PCDH9: variants seen among roughly 807,000 people sequenced by gnomAD.
PCDH9 encodes the protein protocadherin-9.
Under a neutral mutation model 70.6 loss-of-function variants are expected in PCDH9, and 24 were observed. That is an observed-to-expected ratio of 0.34 (90% CI 0.25 to 0.48). The LOEUF (loss-of-function observed/expected upper bound fraction) is 0.48, where lower values mean the gene tolerates loss of function less well. PCDH9 is among the 20% of genes least tolerant of loss of function. PCDH9 has a pLI of 0.99. For missense variants in PCDH9, 1,281 were observed against 1,503.6 expected, an observed-to-expected ratio of 0.85 and a Z score of 2.45; for synonymous variants, 562 against 558.5, an observed-to-expected ratio of 1.01 and a Z score of -0.09.
intron 4 of PCDH9, among the ~76,000 whole-genome samples, chr13:66,414,121 C>A (rs1320418101): frequency 1.3e-5 from 2 of 152,052 alleles, no homozygotes; most frequent in Non-Finnish European, 2.9e-5. Flanking sequence ...AAAGACTAGA[C>A]ATGTATTTTA....
chr13:67,054,563 T>C (rs1400340044), intron 2 of PCDH9, among the ~76,000 whole-genome samples: 1 of 152,224 alleles, frequency 6.6e-6, no homozygotes, highest in Non-Finnish European at 1.5e-5. Context: ...TTCTTTCTTT[T>C]TCTAATGCAC....
At chr13:66,793,265 C>T (rs2080190033) in intron 3 of PCDH9, among the ~76,000 whole-genome samples, 1 of 152,088 alleles carries the variant, frequency 6.6e-6, no homozygotes, top group Non-Finnish European at 1.5e-5. Flanking sequence ...TGTTAATTAA[C>T]TTTGATTGTT....
At chr13:66,310,695 A>T (rs1955546097) in intron 4 of PCDH9, among the ~76,000 whole-genome samples, 1 of 151,970 alleles carries the variant, frequency 6.6e-6, no homozygotes, top group Admixed American at 6.6e-5. Context: ...TTTTCTTAGA[A>T]TTTTTACTGT....
At position 66,304,915 on chromosome 13, in the gene PCDH9, G is replaced by A. The variant is rs867111477; in HGVS notation, c.3454C>T (p.Gln1152Ter). 1.9e-6 allele frequency: 3 copies of A among 1,613,518 alleles called. No individual in the cohort carries two copies. Among genetic ancestry groups the A allele is most frequent in the Non-Finnish European group, 2.5e-6 (3 of 1,179,744 alleles). ...CWMPPGLGPY[Q>*]HPKSPLSTFA... The stretch of plus-strand genomic sequence containing the variant: ...GTTGAGAGAGGAGATTTGGGGTGTT[G>A]ATATGGACCCAAGCCAGGAGGCATC... Residue 1152 changes from glutamine to a stop codon, truncating the protein, a stop_gained, in exon 5 of 5, where the codon CAA (glutamine) becomes TAA (stop). Transcript: ENST00000377865. LOFTEE classifies it high-confidence loss of function.
At chr13:66,519,899 A>G (rs1387761502) in intron 4 of PCDH9, among the ~76,000 whole-genome samples, 1 of 152,014 alleles carries the variant, frequency 6.6e-6, no homozygotes, top group Admixed American at 6.6e-5. Flanking sequence ...TTAAAACAGA[A>G]TCTACACTTT....
At chr13:66,561,353 G>C (rs925682337) in intron 4 of PCDH9, among the ~76,000 whole-genome samples, 2 of 152,110 alleles carry the variant, frequency 1.3e-5, no homozygotes, top group Middle Eastern at 3.2e-3. Context: ...GAGGAGTGCC[G>C]CCCCTTGCTC....
chr13:66,771,599 G>A (rs1220608372), intron 3 of PCDH9, among the ~76,000 whole-genome samples: 1 of 152,206 alleles, frequency 6.6e-6, no homozygotes, highest in Non-Finnish European at 1.5e-5. Context: ...GCCTAAAACA[G>A]AAACTGGCAG....
At chr13:66,768,754 C>G (rs1372912764) in intron 3 of PCDH9, among the ~76,000 whole-genome samples, 1 of 152,060 alleles carries the variant, frequency 6.6e-6, no homozygotes, top group East Asian at 1.9e-4. Context: ...GGTATTTTAT[C>G]TATGTCCTAG....
intron 3 of PCDH9, among the ~76,000 whole-genome samples, chr13:66,739,638 T>C (rs2079221897): frequency 6.6e-6 from 1 of 151,474 alleles, no homozygotes; most frequent in African/African-American, 2.4e-5. Context: ...AATAAAAGGA[T>C]GGAGGAAGAT....
intron 2 of PCDH9, among the ~76,000 whole-genome samples, chr13:67,143,202 A>G (rs963845855): frequency 2.0e-5 from 3 of 152,166 alleles, no homozygotes; most frequent in Non-Finnish European, 4.4e-5. Flanking sequence ...TTGGACAACA[A>G]TAGAACCTGG....
intron 3 of PCDH9, among the ~76,000 whole-genome samples, chr13:66,793,126 A>C (rs1566197818): frequency 1.3e-5 from 2 of 150,356 alleles, no homozygotes; most frequent in Admixed American, 1.3e-4. Context: ...TATATATATA[A>C]AGATATGTAT....
At chr13:66,897,337 G>T (rs2082199955) in intron 3 of PCDH9, among the ~76,000 whole-genome samples, 1 of 152,062 alleles carries the variant, frequency 6.6e-6, no homozygotes, top group Non-Finnish European at 1.5e-5. Context: ...TGAAAAAAGA[G>T]AGGTTGGATA....
chr13:67,203,983 G>T (rs1381142108), intron 2 of PCDH9: 1 of 151,914 alleles, frequency 6.6e-6, no homozygotes, highest in African/African-American at 2.4e-5. Context: ...TCAATATATT[G>T]GGGTTAAAAA....
intron 3 of PCDH9, among the ~76,000 whole-genome samples, chr13:66,685,863 G>T (rs2078393998): frequency 6.6e-6 from 1 of 152,146 alleles, no homozygotes; most frequent in South Asian, 2.1e-4. Context: ...GTTTTGGCCA[G>T]TTTATCCCAT....
At chr13:66,384,493 A>G (rs1956896642) in intron 4 of PCDH9, among the ~76,000 whole-genome samples, 1 of 152,200 alleles carries the variant, frequency 6.6e-6, no homozygotes, top group Admixed American at 6.5e-5. Flanking sequence ...GCCAACTAAC[A>G]TATCCAGTCT....
intron 3 of PCDH9, among the ~76,000 whole-genome samples, chr13:66,903,031 T>TAA (rs980329106): frequency 2.0e-5 from 3 of 150,538 alleles, no homozygotes; most frequent in African/African-American, 7.3e-5. Flanking sequence ...TATAAAGTAG[T>TAA]AAAAAAAAAG....
At chr13:66,338,648 G>A (rs1016749536) in intron 4 of PCDH9, among the ~76,000 whole-genome samples, 6 of 151,206 alleles carry the variant, frequency 4.0e-5, no homozygotes, top group Admixed American at 6.6e-5. Flanking sequence ...GTGTAGAGGG[G>A]TGGGGGGTGG....
chr13:66,551,435 G>T (rs895119854), intron 4 of PCDH9, among the ~76,000 whole-genome samples: 2 of 152,152 alleles, frequency 1.3e-5, no homozygotes, highest in East Asian at 1.9e-4. Flanking sequence ...TACAAAGCAG[G>T]TGGCAACATA....
intron 4 of PCDH9, among the ~76,000 whole-genome samples, chr13:66,424,182 C>T (rs1296756505): frequency 1.3e-5 from 2 of 152,044 alleles, no homozygotes; most frequent in African/African-American, 2.4e-5. Context: ...AGAGAGGACA[C>T]AAACAAATGG....
Sources: allele counts gnomAD v4.1 joint callset (sites outside exome capture counted in the v4.1 genomes callset), GRCh38; gene constraint gnomAD v4.1.1; transcripts MANE v1.5; gene names NCBI Gene and HGNC (gene_info 2026-07-23, HGNC 2026-07-21).